Variants in CAMSAP2 observed in about 807,000 individuals in gnomAD.
CAMSAP2 encodes the protein calmodulin regulated spectrin associated protein family member 2.
In CAMSAP2, 26 loss-of-function variants were observed where a neutral mutation model predicts 146.1. The ratio of observed to expected loss-of-function variants is 0.18; its 90% CI spans 0.13 to 0.25. The LOEUF (loss-of-function observed/expected upper bound fraction) is 0.25. Among genes scored for constraint, CAMSAP2 ranks in the 10% least tolerant of loss-of-function variants. CAMSAP2 has a pLI of 1.00. For synonymous variants in CAMSAP2, 499 were observed against 596.6 expected, an observed-to-expected ratio of 0.84 and a Z score of 2.38; for missense variants, 1,381 against 1,759.3, an observed-to-expected ratio of 0.78 and a Z score of 3.85.
At chr1:200,750,304 G>A (rs750773057) in intron 1 of CAMSAP2, among the ~76,000 whole-genome samples, 5 of 152,108 alleles carry the variant, frequency 3.3e-5, no homozygotes, top group Admixed American at 2.0e-4. Flanking sequence ...AGGCATTAAC[G>A]ATGACTCCTA....
In CAMSAP2 at chr1:200,853,746, C is replaced by T. The variant is rs1010268657; in HGVS notation, c.3823+251C>T. Among the ~76,000 whole-genome samples the T allele has an allele frequency of 6.6e-6, 1 of 152,194 alleles. No homozygotes were observed. Among genetic ancestry groups the T allele is most frequent in the Non-Finnish European group, 1.5e-5 (1 of 68,024 alleles). ...ATCTAAATATTAATCTATTAGGGAA[C>T]TGTGCCCTCAGATATAATCTCCTTG... On this transcript the variant is annotated intron_variant, in intron 13 of 16. Transcript: ENST00000358823. This position sits in a 1 kb window ranked among gnomAD's most constrained non-coding sequence, Gnocchi z 5.1.
chr1:200,764,265 G>C (rs1470212702), intron 2 of CAMSAP2, among the ~76,000 whole-genome samples: 4 of 151,688 alleles, frequency 2.6e-5, no homozygotes, highest in African/African-American at 7.3e-5. Context: ...CAGCCTTTTG[G>C]GGGGAAAAAA....
At chr1:200,766,896 A>C (rs796202240) in intron 2 of CAMSAP2, among the ~76,000 whole-genome samples, 2 of 152,030 alleles carry the variant, frequency 1.3e-5, no homozygotes, top group African/African-American at 4.8e-5. Context: ...CCATTTACCC[A>C]CTCTGTTCCT....
chr1:200,779,063 CT>C (rs1665362777), intron 2 of CAMSAP2, among the ~76,000 whole-genome samples: 1 of 152,156 alleles, frequency 6.6e-6, no homozygotes, highest in African/African-American at 2.4e-5. Context: ...GCTGGAGGAG[CT>C]GTGAGAAACC....
chr1:200,845,594 G>C (rs1667440806), intron 8 of CAMSAP2, among the ~76,000 whole-genome samples: 1 of 152,166 alleles, frequency 6.6e-6, no homozygotes, highest in African/African-American at 2.4e-5. Flanking sequence ...CCTTGGATGG[G>C]ATTTTTAGTG....
chr1:200,798,459 C>G (rs1165446658), intron 2 of CAMSAP2, among the ~76,000 whole-genome samples: 1 of 136,000 alleles, frequency 7.4e-6, no homozygotes, highest in Non-Finnish European at 1.5e-5. Flanking sequence ...CATGATTTGG[C>G]TCTCTGTTTG....
intron 2 of CAMSAP2, among the ~76,000 whole-genome samples, chr1:200,784,278 T>C (rs1221715261): frequency 1.3e-5 from 2 of 152,148 alleles, no homozygotes; most frequent in Non-Finnish European, 2.9e-5. Flanking sequence ...TGCATTTCCA[T>C]ATAAATTTTA....
At position 200,832,683 on chromosome 1, in the gene CAMSAP2, C is replaced by T. The variant is rs1667074685; in HGVS notation, c.788-23C>T. 6.3e-7 allele frequency: 1 copy of T among 1,575,894 alleles called. No homozygotes were observed. ...TTATCAAATTAATCCAAAGTCACCA[C>T]CTTGCTCTTTTCTTATTTGAAGATA... On this transcript the variant is annotated intron_variant, in intron 5 of 16. Coordinates refer to ENST00000358823, the MANE Select transcript of CAMSAP2 (RefSeq NM_203459.4). This position sits in a 1 kb window ranked among gnomAD's most constrained non-coding sequence, Gnocchi z 4.2.
intron 2 of CAMSAP2, among the ~76,000 whole-genome samples, chr1:200,766,594 A>G (rs537443353): frequency 6.6e-6 from 1 of 152,354 alleles, no homozygotes; most frequent in Admixed American, 6.5e-5. Context: ...CAGAGCAAGT[A>G]TAGTTAAGTA....
chr1:200,756,739 A>G (rs1365570202), intron 1 of CAMSAP2, among the ~76,000 whole-genome samples: 2 of 152,196 alleles, frequency 1.3e-5, no homozygotes, highest in Admixed American at 1.3e-4. Context: ...TGAGGGGGAA[A>G]TTTGAAACCT....
chr1:200,773,297 A>G (rs1301553623), intron 2 of CAMSAP2, among the ~76,000 whole-genome samples: 1 of 152,134 alleles, frequency 6.6e-6, no homozygotes, highest in Admixed American at 6.5e-5. Context: ...TCTGTTGCCC[A>G]GGCTGGAGTG....
At chr1:200,759,356 G>A (rs997007399) in intron 1 of CAMSAP2, among the ~76,000 whole-genome samples, 3 of 145,932 alleles carry the variant, frequency 2.1e-5, no homozygotes, top group African/African-American at 7.6e-5. Flanking sequence ...CTCACTCTCT[G>A]CAACCTCTGC....
chr1:200,825,912 T>A (rs1003521465), intron 4 of CAMSAP2, among the ~76,000 whole-genome samples: 1 of 152,220 alleles, frequency 6.6e-6, no homozygotes, highest in Non-Finnish European at 1.5e-5. Flanking sequence ...AGTATCTTGC[T>A]ATTGCAAATT....
chr1:200,814,695 T>C (rs1666435655), intron 3 of CAMSAP2, among the ~76,000 whole-genome samples: 3 of 150,470 alleles, frequency 2.0e-5, no homozygotes, highest in Admixed American at 6.6e-5. Flanking sequence ...CTCTTCCTGT[T>C]AGGAACACCT....
chr1:200,847,734 T>A, intron 10 of CAMSAP2, 25 bp downstream of exon 10: 4 of 1,560,228 alleles, frequency 2.6e-6, no homozygotes, highest in Non-Finnish European at 3.5e-6. Context: ...TTACTTTTAG[T>A]GTATTCAGAT....
At chr1:200,831,048 T>C (rs1339780853) in intron 4 of CAMSAP2, among the ~76,000 whole-genome samples, 2 of 152,212 alleles carry the variant, frequency 1.3e-5, no homozygotes, top group Non-Finnish European at 2.9e-5. Context: ...AAAAGTGTTT[T>C]ATCTTATAAT....
chr1:200,839,801 A>G (rs1174776004), intron 6 of CAMSAP2, among the ~76,000 whole-genome samples: 7 of 152,158 alleles, frequency 4.6e-5, no homozygotes, highest in African/African-American at 1.7e-4. Context: ...TACTTAAAGA[A>G]CTTATTCATG....
At position 200,832,785 on chromosome 1, in the gene CAMSAP2, C is replaced by T; in HGVS notation, c.867C>T (p.Tyr289=). The T allele has an allele frequency of 6.2e-7, 1 of 1,610,920 alleles. No individual in the cohort carries two copies. The highest frequency in any genetic ancestry group is 8.5e-7 in the Non-Finnish European group (1 of 1,178,202). The change falls in exon 6 of 17, where the codon TAC becomes TAT. Residue 289 remains tyrosine, a synonymous_variant. Coordinates refer to ENST00000358823, the MANE Select transcript of CAMSAP2 (RefSeq NM_203459.4). The surrounding 1 kb of genome is among the most constrained non-coding windows in gnomAD (Gnocchi z 4.2). ...TGATTCAAGAATTTTGCCAAGAATA[C>T]TTGAACCAGTGTTGCCATTTCACTC... The part of the protein sequence containing the change: ...LQLIQEFCQE[Y]LNQCCHFTLE...
At chr1:200,794,343 A>T (rs890998025) in intron 2 of CAMSAP2, among the ~76,000 whole-genome samples, 2 of 152,210 alleles carry the variant, frequency 1.3e-5, no homozygotes, top group East Asian at 3.8e-4. Flanking sequence ...GGCATAACCA[A>T]ATATGACATA....
Sources: gnomAD v4.1 joint callset for allele counts (sites outside exome capture counted in the v4.1 genomes callset) on GRCh38, gnomAD v4.1.1 for gene constraint, Gnocchi (gnomAD v3.1) non-coding constraint, MANE v1.5 for transcripts, NCBI Gene and HGNC (gene_info 2026-07-23, HGNC 2026-07-21) for gene names.